AK5: variants seen among roughly 807,000 people sequenced by gnomAD.
The protein encoded by AK5 is adenylate kinase isoenzyme 5.
A neutral mutation model predicts 69.5 loss-of-function variants in AK5; 27 were observed. The ratio of observed to expected loss-of-function variants is 0.39; its 90% confidence interval spans 0.29 to 0.54. The LOEUF is 0.54. AK5 is among the 20% of genes least tolerant of loss of function. The pLI is 0.71. For synonymous variants in AK5, 260 were observed against 244.4 expected (o/e 1.06, Z -0.60); for missense variants, 531 against 700.4 (o/e 0.76, Z 2.73).
intron 13 of AK5, among the ~76,000 whole-genome samples, chr1:77,537,691 AT>A (rs1207270059): frequency 1.3e-5 from 2 of 152,220 alleles, no homozygotes; most frequent in Non-Finnish European, 2.9e-5. Flanking sequence ...TACATTACTG[AT>A]TCCTTGGGGG....
In AK5 at chr1:77,518,727, A is replaced by T. The variant is rs371973784; in HGVS notation, c.1311A>T (p.Ser437=). 4 of 1,614,024 alleles carry T rather than the reference A, an allele frequency of 2.5e-6. No individual in the cohort carries two copies. The highest frequency in any genetic ancestry group is 2.5e-6 in the Non-Finnish European group (3 of 1,179,900). Residue 437 remains serine, a splice_region_variant and synonymous_variant, in exon 11 of 14, where the codon TCA becomes TCT. Coordinates refer to ENST00000354567, the MANE Select transcript of AK5 (RefSeq NM_174858.3). ...TGGAACGTGGAGACCTGGTGCCCTC[A>T]GTAAGCAACATGGCCTGACCCACAT... ...DIMERGDLVP[S]GIVLELLKEA...
Position 77,322,576 on chromosome 1 carries a change from T to C in AK5, c.700-17801T>C, listed in dbSNP as rs79415096. 3.6e-3 allele frequency among the ~76,000 whole-genome samples: 545 copies of C among 152,320 alleles called. 1 individual carries two copies. Among genetic ancestry groups the C allele is most frequent in the Non-Finnish European group, 6.3e-3 (431 of 68,022 alleles). ...AGCAAAAACAAAGACAAAAAAACTT[T>C]AAAAACGGTCTTTGAACTAAAAAAG... On this transcript the variant is annotated intron_variant, in intron 5 of 13. Coordinates refer to ENST00000354567, the MANE Select transcript of AK5 (RefSeq NM_174858.3).
intron 8 of AK5, among the ~76,000 whole-genome samples, chr1:77,422,546 C>T (rs1023142267): frequency 2.0e-5 from 3 of 152,104 alleles, no homozygotes; most frequent in Non-Finnish European, 4.4e-5. Context: ...TTGCACAGTC[C>T]CTTTCCTCTA....
chr1:77,285,830 T>A (rs1658317411), intron 1 of AK5, among the ~76,000 whole-genome samples: 1 of 152,158 alleles, frequency 6.6e-6, no homozygotes, highest in Admixed American at 6.5e-5. Flanking sequence ...TGAGTCTCAG[T>A]TAGACTTGAG....
At chr1:77,459,423 C>T (rs912100704) in intron 8 of AK5, among the ~76,000 whole-genome samples, 2 of 152,152 alleles carry the variant, frequency 1.3e-5, no homozygotes, top group African/African-American at 4.8e-5. Flanking sequence ...ACCACCACTA[C>T]CCCAGTAGAC....
intron 5 of AK5, among the ~76,000 whole-genome samples, chr1:77,329,853 G>A (rs1660995361): frequency 6.6e-6 from 1 of 152,172 alleles, no homozygotes; most frequent in Non-Finnish European, 1.5e-5. Context: ...AATGCTAGTG[G>A]AGAAGAAGCC....
intron 5 of AK5, among the ~76,000 whole-genome samples, chr1:77,339,551 T>C (rs1048960762): frequency 2.0e-5 from 3 of 152,280 alleles, no homozygotes; most frequent in African/African-American, 7.2e-5. Context: ...GACCATGTGA[T>C]CTCAGACAAG....
chr1:77,529,541 T>C (rs1310829359), intron 12 of AK5, among the ~76,000 whole-genome samples: 1 of 152,172 alleles, frequency 6.6e-6, no homozygotes, highest in Non-Finnish European at 1.5e-5. Flanking sequence ...GTCAGGCTAG[T>C]CTTGAACTCC....
intron 7 of AK5, 84 bp downstream of exon 7, chr1:77,411,155 A>G: frequency 8.8e-7 from 1 of 1,134,904 alleles, no homozygotes; most frequent in Non-Finnish European, 1.3e-6. Flanking sequence ...TTGAAGTTCA[A>G]CAAACTGCTG....
chr1:77,547,229 T>C (rs1422259140), intron 13 of AK5, among the ~76,000 whole-genome samples: 1 of 151,826 alleles, frequency 6.6e-6, no homozygotes, highest in Non-Finnish European at 1.5e-5. Flanking sequence ...TAACCTAATA[T>C]ATCCTAAGTA....
chr1:77,314,165 A>G (rs1660117282), intron 5 of AK5: 2 of 299,206 alleles, frequency 6.7e-6, no homozygotes, highest in Admixed American at 4.7e-5. Flanking sequence ...CTAATTTTAT[A>G]TGTGAGGAGA....
At chr1:77,412,108 A>G (rs1330472054) in intron 7 of AK5, among the ~76,000 whole-genome samples, 1 of 152,194 alleles carries the variant, frequency 6.6e-6, no homozygotes, top group Non-Finnish European at 1.5e-5. Context: ...CAAATATCTA[A>G]CTGCTAGATA....
chr1:77,371,172 A>AT (rs1647115215), intron 6 of AK5, among the ~76,000 whole-genome samples: 1 of 152,170 alleles, frequency 6.6e-6, no homozygotes, highest in Admixed American at 6.5e-5. Context: ...TTAGGCTCTG[A>AT]TTCATGGTAA....
chr1:77,360,314 A>G (rs1481403522), intron 6 of AK5, among the ~76,000 whole-genome samples: 1 of 152,200 alleles, frequency 6.6e-6, no homozygotes, highest in Non-Finnish European at 1.5e-5. Flanking sequence ...TAAATTTAAA[A>G]TGTTCCAGGG....
chr1:77,313,515 A>G (rs2100299919), intron 5 of AK5, among the ~76,000 whole-genome samples: 1 of 152,216 alleles, frequency 6.6e-6, no homozygotes, highest in South Asian at 2.1e-4. Flanking sequence ...ACATTCCTAC[A>G]TGTGTGTAGT....
chr1:77,551,659 A>G (rs764293661), intron 13 of AK5, among the ~76,000 whole-genome samples: 8 of 152,046 alleles, frequency 5.3e-5, no homozygotes, highest in Non-Finnish European at 1.2e-4. Context: ...ACTGCCCTTG[A>G]GGTGCTGCGT....
At chr1:77,362,081 G>A (rs1441769891) in intron 6 of AK5, among the ~76,000 whole-genome samples, 1 of 152,044 alleles carries the variant, frequency 6.6e-6, no homozygotes, top group Non-Finnish European at 1.5e-5. Flanking sequence ...GAAGAATGAG[G>A]GAATACACAT....
intron 7 of AK5, among the ~76,000 whole-genome samples, chr1:77,412,041 GC>G (rs964476108): frequency 6.6e-6 from 1 of 152,202 alleles, no homozygotes; most frequent in African/African-American, 2.4e-5. Flanking sequence ...ATGACTCTGT[GC>G]TTTTCAAGTT....
intron 8 of AK5, among the ~76,000 whole-genome samples, chr1:77,445,065 T>C (rs1344814138): frequency 1.3e-5 from 2 of 152,186 alleles, no homozygotes; most frequent in Non-Finnish European, 1.5e-5. Context: ...TTCCATATCT[T>C]GGCTATTGTG....
Sources: allele counts gnomAD v4.1 joint callset (sites outside exome capture counted in the v4.1 genomes callset), GRCh38; gene constraint gnomAD v4.1.1; transcripts MANE v1.5; gene names NCBI Gene and HGNC (gene_info 2026-07-23, HGNC 2026-07-21).